Variants in GALNT13 observed in about 807,000 individuals in gnomAD.
GALNT13 encodes polypeptide N-acetylgalactosaminyltransferase 13.
GALNT13 carries 28 observed loss-of-function variants against 64.2 expected under a neutral mutation model. The ratio of observed to expected loss-of-function variants is 0.44; its 90% CI spans 0.32 to 0.60. The LOEUF is 0.60. Ranked by LOEUF, GALNT13 falls within the 20% of genes least tolerant of loss-of-function variation. The pLI is 0.05. For synonymous variants in GALNT13, 214 were observed against 224.6 expected (o/e 0.95, Z 0.42); for missense variants, 577 against 669.8 (o/e 0.86, Z 1.53).
the GALNT13 span, among the ~76,000 whole-genome samples, chr2:153,834,303 G>T: frequency 6.6e-6 from 1 of 152,096 alleles, no homozygotes; most frequent in Non-Finnish European, 1.5e-5. Flanking sequence ...TAATATAAAA[G>T]AATGAAGGAG....
the GALNT13 span, among the ~76,000 whole-genome samples, chr2:153,093,084 T>C: frequency 6.6e-6 from 1 of 152,130 alleles, no homozygotes; most frequent in African/African-American, 2.4e-5. Context: ...TTTTATCAAA[T>C]GCTTTTTCAG....
At chr2:153,130,272 C>T in the GALNT13 span, among the ~76,000 whole-genome samples, 5 of 152,086 alleles carry the variant, frequency 3.3e-5, no homozygotes, top group African/African-American at 1.2e-4. Context: ...GCAAGATCAG[C>T]CACTCCTCTC....
chr2:153,308,668 G>A, the GALNT13 span, among the ~76,000 whole-genome samples: 2 of 152,166 alleles, frequency 1.3e-5, no homozygotes, highest in Admixed American at 6.5e-5. Flanking sequence ...GATCAAGCTT[G>A]CAGATGCCTG....
intron 1 of GALNT13, among the ~76,000 whole-genome samples, chr2:153,895,185 G>A (rs1229213171): frequency 6.6e-6 from 1 of 152,080 alleles, no homozygotes; most frequent in African/African-American, 2.4e-5. Flanking sequence ...GTAATATCTA[G>A]TGTTGCTGAG....
At chr2:153,860,559 C>A in the GALNT13 span, among the ~76,000 whole-genome samples, 1 of 152,138 alleles carries the variant, frequency 6.6e-6, no homozygotes, top group African/African-American at 2.4e-5. Context: ...CAGTTGACTT[C>A]TATCCATATG....
chr2:153,453,869 G>A, the GALNT13 span, among the ~76,000 whole-genome samples: 1 of 152,152 alleles, frequency 6.6e-6, no homozygotes, highest in Non-Finnish European at 1.5e-5. Flanking sequence ...ACCAGAGTAG[G>A]TGCCCATCAA....
At chr2:153,972,538 T>C (rs1176419980) in intron 3 of GALNT13, among the ~76,000 whole-genome samples, 1 of 152,126 alleles carries the variant, frequency 6.6e-6, no homozygotes, top group African/African-American at 2.4e-5. Context: ...TACCAACTTA[T>C]ATAAGTAGGC....
the GALNT13 span, among the ~76,000 whole-genome samples, chr2:153,704,344 T>C: frequency 6.6e-6 from 1 of 152,202 alleles, no homozygotes; most frequent in Non-Finnish European, 1.5e-5. Flanking sequence ...AAATAAGCTA[T>C]TCACTGATTG....
chr2:153,198,167 G>T, the GALNT13 span, among the ~76,000 whole-genome samples: 9 of 152,268 alleles, frequency 5.9e-5, no homozygotes, highest in Admixed American at 5.2e-4. Context: ...GTAGTCTGCT[G>T]GGGGCTGGGC....
At chr2:153,419,418 T>G in the GALNT13 span, among the ~76,000 whole-genome samples, 8 of 152,204 alleles carry the variant, frequency 5.3e-5, no homozygotes, top group African/African-American at 1.7e-4. Context: ...GGATTTATAC[T>G]GACTGAAAAA....
chr2:154,367,177 A>AGAT, intron 9 of GALNT13, among the ~76,000 whole-genome samples: 1 of 118,440 alleles, frequency 8.4e-6, no homozygotes, highest in Non-Finnish European at 1.8e-5. Flanking sequence ...CATAAATGAG[A>AGAT]TGAAACATAA....
the GALNT13 span, among the ~76,000 whole-genome samples, chr2:153,243,386 T>C: frequency 6.6e-6 from 1 of 152,214 alleles, no homozygotes; most frequent in Admixed American, 6.5e-5. Flanking sequence ...GGAGTTAACC[T>C]TGCCCCTAGC....
the GALNT13 span, among the ~76,000 whole-genome samples, chr2:153,631,924 G>A: frequency 1.3e-5 from 2 of 151,970 alleles, no homozygotes; most frequent in African/African-American, 4.8e-5. Context: ...TTTCTTCTAG[G>A]GTTTGGTTTT....
intron 11 of GALNT13, among the ~76,000 whole-genome samples, chr2:154,431,579 T>A (rs1174519360): frequency 6.6e-6 from 1 of 152,160 alleles, no homozygotes; most frequent in Admixed American, 6.6e-5. Flanking sequence ...TTGGACATTC[T>A]CCCTAAAAAG....
chr2:154,303,828 G>A (rs966120175), intron 9 of GALNT13, among the ~76,000 whole-genome samples: 2 of 151,264 alleles, frequency 1.3e-5, no homozygotes, highest in African/African-American at 2.4e-5. Flanking sequence ...GCGTGATCTC[G>A]GCTCACTGCA....
the GALNT13 span, among the ~76,000 whole-genome samples, chr2:153,611,368 A>AT: frequency 6.6e-6 from 1 of 151,794 alleles, no homozygotes; most frequent in African/African-American, 2.4e-5. Flanking sequence ...CCTTTTTTTA[A>AT]TTTTTTCACT....
chr2:153,172,493 C>A, the GALNT13 span, among the ~76,000 whole-genome samples: 1 of 152,012 alleles, frequency 6.6e-6, no homozygotes, highest in Non-Finnish European at 1.5e-5. Flanking sequence ...ATTTAAAGCA[C>A]CACTGAGAGC....
At chr2:154,394,071 C>A (rs961452586) in intron 9 of GALNT13, among the ~76,000 whole-genome samples, 1 of 31,874 alleles carries the variant, frequency 3.1e-5, no homozygotes, top group Admixed American at 4.7e-4. Flanking sequence ...GAGCGAGACT[C>A]CGTCTCAAAA....
intron 4 of GALNT13, among the ~76,000 whole-genome samples, chr2:154,237,242 A>T (rs945441533): frequency 7.2e-5 from 11 of 151,862 alleles, no homozygotes; most frequent in Non-Finnish European, 1.5e-4. Context: ...AATGTCTACC[A>T]TACATTTCAG....
Sources: allele counts gnomAD v4.1 joint callset (sites outside exome capture counted in the v4.1 genomes callset), GRCh38; gene constraint gnomAD v4.1.1; transcripts MANE v1.5; gene names NCBI Gene and HGNC (gene_info 2026-07-23, HGNC 2026-07-21).